The following FAM25C variants were observed in gnomAD, a reference collection of about 807,000 sequenced individuals.
The protein encoded by FAM25C is protein FAM25C.
A neutral mutation model predicts 9.6 loss-of-function variants in FAM25C; 4 were observed. The ratio of observed to expected loss-of-function variants is 0.42; its 90% CI spans 0.20 to 0.95. FAM25C has a LOEUF of 0.95. FAM25C is among the 40% of genes least tolerant of loss of function. The pLI, the probability that FAM25C is intolerant of heterozygous loss-of-function variation, is 0.31. For synonymous variants in FAM25C, 23 were observed against 44.1 expected, an observed-to-expected ratio of 0.52 and a Z score of 1.89; for missense variants, 38 against 110.4, an observed-to-expected ratio of 0.34 and a Z score of 2.94.
intron 1 of FAM25C, 76 bp downstream of exon 1, chr10:47,999,617 C>G: frequency 9.1e-7 from 1 of 1,101,354 alleles, no homozygotes; most frequent in Non-Finnish European, 1.3e-6. Flanking sequence ...CGCCTGCCTA[C>G]GTAGATCCGC....
intron 2 of FAM25C, among the ~76,000 whole-genome samples, chr10:47,997,436 G>A (rs1433167411): frequency 2.0e-5 from 3 of 151,832 alleles, no homozygotes; most frequent in Non-Finnish European, 2.9e-5. Context: ...CCAGTGTGCT[G>A]TCACATAGTC....
intron 2 of FAM25C, 148 bp downstream of exon 2, chr10:47,997,529 G>A: frequency 7.5e-6 from 6 of 795,890 alleles, no homozygotes; most frequent in Non-Finnish European, 8.4e-6. Flanking sequence ...CCTCTGATGA[G>A]CATAGATAAC....
In FAM25C at chr10:47,995,376, A is replaced by T. The variant is rs1555256318; in HGVS notation, c.*2T>A. On this transcript the variant is annotated 3_prime_UTR_variant, in exon 3 of 3. Transcript: ENST00000617224. The stretch of plus-strand genomic sequence containing the variant: ...GGGGAAGGGCCGTGGTAGCAGGTGC[A>T]CTCACTGTCCAAGTTTGTCCAGACT... 6.6e-7 allele frequency: 1 copy of T among 1,504,850 alleles called. No individual in the cohort carries two copies. The highest frequency in any genetic ancestry group is 2.0e-5 in the Admixed American group (1 of 50,118). The allele number at this position is 1,504,850 out of a possible 1,614,324, so 93.2% of individuals were successfully genotyped here.
intron 2 of FAM25C, 99 bp from the exon 3 acceptor site, chr10:47,995,610 C>G: frequency 8.2e-7 from 1 of 1,220,214 alleles, no homozygotes; most frequent in Non-Finnish European, 1.1e-6. Context: ...ATGGATTAGT[C>G]TCTGGAGTGG....
At chr10:47,996,781 C>T (rs1464619424) in intron 2 of FAM25C, among the ~76,000 whole-genome samples, 5 of 139,254 alleles carry the variant, frequency 3.6e-5, no homozygotes, top group African/African-American at 1.4e-4. Flanking sequence ...ATAGCTCACA[C>T]ACATCAATTT....
chr10:47,998,729 C>G (rs1301404929), intron 1 of FAM25C, among the ~76,000 whole-genome samples: 13 of 64,840 alleles, frequency 2.0e-4, no homozygotes, highest in Non-Finnish European at 5.6e-4. Context: ...CAGCTTTTCT[C>G]CCAACACTCA....
At chr10:47,996,051 C>T (rs573034430) in intron 2 of FAM25C, among the ~76,000 whole-genome samples, 1 of 148,456 alleles carries the variant, frequency 6.7e-6, no homozygotes, top group Non-Finnish European at 1.5e-5. Context: ...ATGTCTTCCC[C>T]CTCAAAACTC....
At chr10:47,998,009 TG>T (rs1842828777) in intron 1 of FAM25C, among the ~76,000 whole-genome samples, 1 of 150,582 alleles carries the variant, frequency 6.6e-6, no homozygotes, top group South Asian at 2.1e-4. Context: ...CCCCCACAGC[TG>T]GCTTCATTTG....
intron 2 of FAM25C, among the ~76,000 whole-genome samples, chr10:47,997,299 C>T (rs1384280886): frequency 2.5e-4 from 37 of 145,318 alleles, no homozygotes; most frequent in African/African-American, 7.4e-4. Flanking sequence ...TTAGTAGAGA[C>T]GGGGTTTCAC....
In FAM25C at chr10:47,997,689, T is replaced by G. The variant is rs1842822571; in HGVS notation, c.124A>C (p.Thr42Pro). Residue 42 changes from threonine to proline, a missense_variant, in exon 2 of 3, where the codon ACT (threonine) becomes CCT (proline). Coordinates refer to ENST00000617224, the MANE Select transcript of FAM25C (RefSeq NM_001137548.3). ...CAGCCGGCTGTACCTTTCTCTCCAG[T>G]CTCCTTGGCATGTCCCACCACCTCC... ...VKEVVGHAKE[T>P]GEKAIAEAIK... 6.6e-7 allele frequency: 1 copy of G among 1,510,114 alleles called. No individual in the cohort carries two copies. Among genetic ancestry groups the G allele is most frequent in the African/African-American group, 1.4e-5 (1 of 72,008 alleles). 93.5% of individuals were successfully genotyped at this position (1,510,114 alleles called of 1,614,324 possible).
intron 1 of FAM25C, among the ~76,000 whole-genome samples, chr10:47,998,449 G>A (rs1304458199): frequency 1.7e-4 from 24 of 141,844 alleles, no homozygotes; most frequent in Non-Finnish European, 2.8e-4. Flanking sequence ...ACCAGGTCAC[G>A]GGGGCGGCAA....
chr10:47,995,487 GCTTT>G lies in FAM25C; in HGVS notation c.157_160del (p.Lys53ProfsTer9), dbSNP rs1555256363. The G allele has an allele frequency of 6.5e-7, 1 of 1,533,966 alleles. No homozygotes were observed. Among genetic ancestry groups the G allele is most frequent in the East Asian group, 2.4e-5 (1 of 40,922 alleles). ...CATCTTTTTGTCCCCTGACTCCTGGGCTTTCTTTATGGCTTCAGCAATGGCTGTT... is the reference window on the plus strand; with the variant it reads ...CATCTTTTTGTCCCCTGACTCCTGGGCTTTATGGCTTCAGCAATGGCTGTT... On this transcript the variant is annotated frameshift_variant, in exon 3 of 3. Coordinates refer to ENST00000617224, the MANE Select transcript of FAM25C (RefSeq NM_001137548.3). LOFTEE classifies it high-confidence loss of function.
At position 47,995,466 on chromosome 10, in the gene FAM25C, T is replaced by A. The variant is rs781886129; in HGVS notation, c.182A>T (p.Lys61Met). 1.3e-6 allele frequency: 2 copies of A among 1,532,768 alleles called. No individual in the cohort carries two copies. Among genetic ancestry groups the A allele is most frequent in the African/African-American group, 2.8e-5 (2 of 72,500 alleles). 94.9% of individuals were successfully genotyped at this position (1,532,768 alleles called of 1,614,324 possible). Residue 61 changes from lysine to methionine, a missense_variant, in exon 3 of 3, where the codon AAG becomes ATG. Physicochemically the swap from Lys to Met is moderately conservative, Grantham distance 95. Coordinates refer to ENST00000617224, the MANE Select transcript of FAM25C (RefSeq NM_001137548.3). ...CACTGTCTCGGTGATTTCCTTCATCTTTTTGTCCCCTGACTCCTGGGCTTT... is the reference window on the plus strand; with the variant it reads ...CACTGTCTCGGTGATTTCCTTCATCATTTTGTCCCCTGACTCCTGGGCTTT... ...IKKAQESGDK[K>M]MKEITETVTN...
chr10:47,996,903 C>G (rs1842808799), intron 2 of FAM25C, among the ~76,000 whole-genome samples: 2 of 125,290 alleles, frequency 1.6e-5, no homozygotes, highest in Non-Finnish European at 3.2e-5. Flanking sequence ...GCGATCTCGG[C>G]TCACTGCAAG....
chr10:47,995,506 C>T lies in FAM25C; in HGVS notation c.142G>A (p.Ala48Thr). 1 of 1,534,424 alleles carries T rather than the reference C, an allele frequency of 6.5e-7. No homozygotes were observed. Among genetic ancestry groups the T allele is most frequent in the Non-Finnish European group, 8.7e-7 (1 of 1,145,996 alleles). Reference protein sequence around the residue: ...HAKETGEKAIAEAIKKAQESG... With the variant: ...HAKETGEKAITEAIKKAQESG... ...TCCTGGGCTTTCTTTATGGCTTCAG[C>T]AATGGCTGTTGGAAAGAAAGAGGAA... Residue 48 changes from alanine to threonine, a missense_variant, in exon 3 of 3, where the codon GCT (alanine) becomes ACT (threonine). Around this residue, in one of 2 missense-constraint regions of FAM25C, gnomAD observed 30 missense variants for 53.0 expected, o/e 0.57. Transcript: ENST00000617224.
intron 2 of FAM25C, among the ~76,000 whole-genome samples, chr10:47,997,262 C>A (rs1208149787): frequency 6.7e-6 from 1 of 148,858 alleles, no homozygotes; most frequent in Non-Finnish European, 1.5e-5. Flanking sequence ...GCACCCACCA[C>A]CATGCCCGGC....
intron 1 of FAM25C, among the ~76,000 whole-genome samples, chr10:47,998,040 T>C (rs1842829325): frequency 6.6e-6 from 1 of 151,298 alleles, no homozygotes; most frequent in African/African-American, 2.4e-5. Flanking sequence ...GGGCCTTGGC[T>C]ACCGGGAGAC....
chr10:47,997,360 C>A (rs1158159400), intron 2 of FAM25C, among the ~76,000 whole-genome samples: 4 of 151,866 alleles, frequency 2.6e-5, no homozygotes, highest in African/African-American at 9.7e-5. Context: ...CCGCCCTCCT[C>A]AGCCTCCCAA....
chr10:47,996,996 T>A (rs1338962281), intron 2 of FAM25C, among the ~76,000 whole-genome samples: 1 of 142,778 alleles, frequency 7.0e-6, no homozygotes, highest in Non-Finnish European at 1.5e-5. Flanking sequence ...CGTGCCCAGC[T>A]AATTTTTTGT....
Sources: allele counts gnomAD v4.1 joint callset (sites outside exome capture counted in the v4.1 genomes callset), GRCh38; gene constraint gnomAD v4.1.1; regional missense constraint gnomAD v4.1.1; transcripts MANE v1.5; gene names NCBI Gene and HGNC (gene_info 2026-07-23, HGNC 2026-07-21).